Variants in LGSN observed in about 807,000 individuals in gnomAD.
LGSN encodes lengsin.
In LGSN, 21 loss-of-function variants were observed where a neutral mutation model predicts 19.5. That is an observed-to-expected ratio of 1.07 (90% confidence interval 0.76 to 1.55). The LOEUF (loss-of-function observed/expected upper bound fraction) is 1.55, where lower values mean the gene tolerates loss of function less well. LGSN is among the 40% of genes most tolerant of loss of function. LGSN has a pLI of 0.00. For synonymous variants in LGSN, 257 were observed against 215.6 expected (o/e 1.19, Z -1.68); for missense variants, 673 against 608.5 (o/e 1.11, Z -1.12).
chr6:63,459,692 T>C, the LGSN span, among the ~76,000 whole-genome samples: 3 of 152,138 alleles, frequency 2.0e-5, no homozygotes, highest in Non-Finnish European at 4.4e-5. Flanking sequence ...GGCAGGCAGA[T>C]CACTGGAGGT....
At chr6:63,335,142 CAAAAA>C in the LGSN span, among the ~76,000 whole-genome samples, 1 of 81,890 alleles carries the variant, frequency 1.2e-5, no homozygotes. Flanking sequence ...GACTCCATCT[CAAAAA>C]AAAAAAAAAA....
the LGSN span, among the ~76,000 whole-genome samples, chr6:63,516,976 G>A: frequency 6.6e-6 from 1 of 152,214 alleles, no homozygotes; most frequent in African/African-American, 2.4e-5. Flanking sequence ...TCTTGAATAG[G>A]CAAGAGAAAT....
At chr6:63,500,249 G>A in the LGSN span, among the ~76,000 whole-genome samples, 2 of 134,870 alleles carry the variant, frequency 1.5e-5, no homozygotes, top group African/African-American at 6.3e-5. Context: ...TTGAGGTTAT[G>A]AAGGAGAAGT....
chr6:63,380,480 A>G, the LGSN span, among the ~76,000 whole-genome samples: 13 of 152,204 alleles, frequency 8.5e-5, no homozygotes, highest in Non-Finnish European at 1.9e-4. Context: ...TTTTTGGTAG[A>G]CAGCGTCATA....
At chr6:63,399,693 G>A in the LGSN span, among the ~76,000 whole-genome samples, 1 of 149,926 alleles carries the variant, frequency 6.7e-6, no homozygotes, top group Non-Finnish European at 1.5e-5. Context: ...ACTGCACCCG[G>A]CCATCATTTT....
the LGSN span, among the ~76,000 whole-genome samples, chr6:63,505,617 G>GAAAT: frequency 2.4e-3 from 245 of 103,372 alleles, 37 homozygotes; most frequent in African/African-American, 6.2e-3. Flanking sequence ...AAGAAAGAAA[G>GAAAT]AAAGAAAGAA....
chr6:63,484,729 C>T, the LGSN span, among the ~76,000 whole-genome samples: 265 of 152,294 alleles, frequency 1.7e-3, 1 homozygote, highest in South Asian at 0.02. Context: ...TGATTTACCA[C>T]GCAAGAGAAT....
At position 63,280,116 on chromosome 6, in the gene LGSN, T is replaced by C; in HGVS notation, c.1435A>G (p.Thr479Ala). ...ATGGCAACAAAATATCGAATAAAGG[T>C]TTCTCCTAGAGCCTGTCTCAGGCAT... The part of the protein sequence containing the change: ...DQCLRQALGE[T>A]FIRYFVAMKK... Residue 479 changes from threonine to alanine, a missense_variant, in exon 4 of 4, where the codon ACC becomes GCC. Coordinates refer to ENST00000370657, the MANE Select transcript of LGSN (RefSeq NM_016571.3). 1 of 1,614,154 alleles carries C rather than the reference T, an allele frequency of 6.2e-7. No homozygotes were observed. The highest frequency in any genetic ancestry group is 8.5e-7 in the Non-Finnish European group (1 of 1,180,024).
chr6:63,364,998 T>G, the LGSN span, among the ~76,000 whole-genome samples: 738 of 152,162 alleles, frequency 4.9e-3, 40 homozygotes, highest in East Asian at 0.13. Flanking sequence ...GATCTAAAAC[T>G]GACACCCTAA....
chr6:63,454,000 G>C, the LGSN span, among the ~76,000 whole-genome samples: 1 of 152,132 alleles, frequency 6.6e-6, no homozygotes, highest in African/African-American at 2.4e-5. Context: ...ACTAGGTACA[G>C]TTATTATCCC....
the LGSN span, among the ~76,000 whole-genome samples, chr6:63,500,432 T>A: frequency 6.6e-6 from 1 of 152,166 alleles, no homozygotes; most frequent in African/African-American, 2.4e-5. Flanking sequence ...AATTAATTTT[T>A]TTTTTTGAGA....
chr6:63,466,229 T>C, the LGSN span, among the ~76,000 whole-genome samples: 1 of 152,216 alleles, frequency 6.6e-6, no homozygotes, highest in Non-Finnish European at 1.5e-5. Flanking sequence ...CTGAGAGAGA[T>C]GGGGAAACCC....
At chr6:63,516,388 T>C in the LGSN span, among the ~76,000 whole-genome samples, 1 of 152,186 alleles carries the variant, frequency 6.6e-6, no homozygotes, top group Non-Finnish European at 1.5e-5. Flanking sequence ...AATGTTTTCT[T>C]TAGACTAATT....
At chr6:63,514,182 T>C in the LGSN span, among the ~76,000 whole-genome samples, 1 of 152,184 alleles carries the variant, frequency 6.6e-6, no homozygotes, top group African/African-American at 2.4e-5. Context: ...TCTGTTGTGC[T>C]CTGACCCTTG....
At chr6:63,489,550 A>G in the LGSN span, among the ~76,000 whole-genome samples, 2 of 152,152 alleles carry the variant, frequency 1.3e-5, no homozygotes, top group Non-Finnish European at 2.9e-5. Flanking sequence ...TTGTATTTTT[A>G]GAAGAGATGG....
At chr6:63,526,818 TATATATATATATATA>T in the LGSN span, among the ~76,000 whole-genome samples, 3 of 142,568 alleles carry the variant, frequency 2.1e-5, no homozygotes, top group East Asian at 5.9e-4. Context: ...TATATATATA[TATATATATATATATA>T]TATTTATTTA....
the LGSN span, among the ~76,000 whole-genome samples, chr6:63,364,190 C>G: frequency 6.6e-6 from 1 of 151,912 alleles, no homozygotes; most frequent in African/African-American, 2.4e-5. Flanking sequence ...ACCCATCTCA[C>G]ATGCAGAGAC....
At chr6:63,433,788 C>T in the LGSN span, among the ~76,000 whole-genome samples, 1 of 152,134 alleles carries the variant, frequency 6.6e-6, no homozygotes, top group Admixed American at 6.5e-5. Context: ...AACGGATAGA[C>T]TAATTTGAGA....
the LGSN span, among the ~76,000 whole-genome samples, chr6:63,330,129 G>A: frequency 5.3e-5 from 8 of 152,340 alleles, no homozygotes; most frequent in East Asian, 1.2e-3. Flanking sequence ...CTCTGGGGCA[G>A]TGCACCTTCC....
Sources: gnomAD v4.1 joint callset for allele counts (sites outside exome capture counted in the v4.1 genomes callset) on GRCh38, gnomAD v4.1.1 for gene constraint, MANE v1.5 for transcripts, NCBI Gene and HGNC (gene_info 2026-07-23, HGNC 2026-07-21) for gene names.